The following ADGRA3 variants were observed in gnomAD, a reference collection of about 807,000 sequenced individuals.
ADGRA3 encodes G-protein coupled receptor 125.
ADGRA3 carries 56 observed loss-of-function variants against 119.8 expected under a neutral mutation model. The ratio of observed to expected loss-of-function variants is 0.47; its 90% confidence interval spans 0.38 to 0.58. The LOEUF (loss-of-function observed/expected upper bound fraction) is 0.58, where lower values mean the gene tolerates loss of function less well. Ranked by LOEUF, ADGRA3 falls within the 20% of genes least tolerant of loss-of-function variation. The pLI is 0.00. For missense variants in ADGRA3, 1,516 were observed against 1,649.0 expected, an observed-to-expected ratio of 0.92 and a Z score of 1.40; for synonymous variants, 607 against 623.8, an observed-to-expected ratio of 0.97 and a Z score of 0.40.
At chr4:22,440,891 A>G (rs1333023965) in intron 7 of ADGRA3, among the ~76,000 whole-genome samples, 2 of 152,188 alleles carry the variant, frequency 1.3e-5, no homozygotes, top group African/African-American at 2.4e-5. Context: ...TCGAACGATT[A>G]ATCGTATCTC....
At chr4:22,457,273 A>T (rs1210693239) in intron 3 of ADGRA3, among the ~76,000 whole-genome samples, 1 of 152,246 alleles carries the variant, frequency 6.6e-6, no homozygotes, top group African/African-American at 2.4e-5. Context: ...AAATCAAATT[A>T]TTTATAAACT....
chr4:22,439,957 A>T (rs1716547016), intron 7 of ADGRA3, among the ~76,000 whole-genome samples: 1 of 152,230 alleles, frequency 6.6e-6, no homozygotes, highest in Non-Finnish European at 1.5e-5. Context: ...TGAAAAAAGT[A>T]ACACACATAA....
At chr4:22,457,071 A>G (rs1357321878) in intron 3 of ADGRA3, among the ~76,000 whole-genome samples, 1 of 152,198 alleles carries the variant, frequency 6.6e-6, no homozygotes, top group East Asian at 1.9e-4. Context: ...AAGTGGTGCA[A>G]TCACCATTGA....
chr4:22,477,074 A>C (rs1359425859), intron 1 of ADGRA3, among the ~76,000 whole-genome samples: 1 of 152,142 alleles, frequency 6.6e-6, no homozygotes, highest in East Asian at 1.9e-4. Flanking sequence ...TAAGAATCTT[A>C]ATTGCTAAGT....
chr4:22,501,640 C>T (rs1353937969), intron 1 of ADGRA3, among the ~76,000 whole-genome samples: 1 of 152,040 alleles, frequency 6.6e-6, no homozygotes, highest in Non-Finnish European at 1.5e-5. Context: ...CTGCCACCAC[C>T]TACACTCCCC....
rs763831512 is a variant in ADGRA3 at position 22,461,818 on chromosome 4, A to G, written c.330-10T>C. The G allele has an allele frequency of 6.3e-7, 1 of 1,582,854 alleles. No individual in the cohort carries two copies. The highest frequency in any genetic ancestry group is 8.7e-7 in the Non-Finnish European group (1 of 1,153,816). On this transcript the variant is annotated splice_polypyrimidine_tract_variant and intron_variant, in intron 2 of 18. Coordinates refer to ENST00000334304, the MANE Select transcript of ADGRA3 (RefSeq NM_145290.4). ...ATTGTTTCGGAGGTCCCTGTTAAAA[A>G]TAAAATAAAAGTTATTCACATATCA...
rs540036309 is a variant in ADGRA3 at position 22,420,988 on chromosome 4, T to C, written c.1707A>G (p.Thr569=). 7.7e-5 allele frequency: 124 copies of C among 1,614,106 alleles called. No individual in the cohort carries two copies. The South Asian group carries it at 9.2e-4, about 12-fold the overall frequency. ...CCCGCCTCCCATAATCCGAAAGTCC[T>C]GTACGATCAGAGGCTGCCACTTTCT... The part of the protein sequence containing the change: ...VFQKVAASDR[T]GLSDYGRRDP... Residue 569 remains threonine (T), a synonymous_variant, in exon 12 of 19, where the codon ACA becomes ACG. Transcript: ENST00000334304.
At chr4:22,511,329 TTC>T (rs1719439300) in intron 1 of ADGRA3, among the ~76,000 whole-genome samples, 1 of 152,100 alleles carries the variant, frequency 6.6e-6, no homozygotes, top group East Asian at 1.9e-4. Context: ...TTTGTTCAAT[TTC>T]TGTGTTATAA....
chr4:22,390,320 T>TTTTATATA (rs1714059716), intron 17 of ADGRA3, among the ~76,000 whole-genome samples: 1 of 106,272 alleles, frequency 9.4e-6, no homozygotes, highest in South Asian at 3.4e-4. Flanking sequence ...TCTCTACTGC[T>TTTTATATA]TATATATATA....
chr4:22,488,002 C>T (rs1307042497), intron 1 of ADGRA3, among the ~76,000 whole-genome samples: 7 of 152,080 alleles, frequency 4.6e-5, no homozygotes. Flanking sequence ...GATCTGAATC[C>T]ATGCTGCTAC....
At chr4:22,491,368 A>G (rs1718617547) in intron 1 of ADGRA3, among the ~76,000 whole-genome samples, 1 of 152,236 alleles carries the variant, frequency 6.6e-6, no homozygotes, top group Non-Finnish European at 1.5e-5. Context: ...ACAAGTTTTT[A>G]TTGACAAAAA....
In ADGRA3 at chr4:22,445,080, C is replaced by A; in HGVS notation, c.599G>T (p.Arg200Leu). 1.9e-6 allele frequency: 3 copies of A among 1,613,882 alleles called. No homozygotes were observed. The highest frequency in any genetic ancestry group is 1.1e-5 in the South Asian group (1 of 91,082). Residue 200 changes from arginine to leucine, a missense_variant, in exon 6 of 19, where the codon CGC (arginine) becomes CTC (leucine). Coordinates refer to ENST00000334304, the MANE Select transcript of ADGRA3 (RefSeq NM_145290.4). ...LCDCNILWMH[R>L]WVKEKNITVR... is the part of the protein sequence containing the mutation. ...CGTGATGTTCTTCTCCTTTACCCAG[C>A]GATGCATCCACAGTATGTTACAGTC...
At chr4:22,481,263 G>A (rs559379437) in intron 1 of ADGRA3, among the ~76,000 whole-genome samples, 2 of 152,240 alleles carry the variant, frequency 1.3e-5, no homozygotes, top group South Asian at 4.1e-4. Flanking sequence ...AAGTTTTAGA[G>A]CCACCTGTGA....
In ADGRA3 at chr4:22,469,071, C is replaced by A. The variant is rs368430249; in HGVS notation, c.329+4701G>T. Reference sequence around the variant, plus strand: ...ATTACCTGGGGAAAAAAAAAGACCCCTTGGTTGATGTGACAGAAGGGCCTA... The same window carrying A: ...ATTACCTGGGGAAAAAAAAAGACCCATTGGTTGATGTGACAGAAGGGCCTA... On this transcript the variant is annotated intron_variant, in intron 2 of 18. Transcript: ENST00000334304. Among the ~76,000 whole-genome samples the A allele has an allele frequency of 1.4e-3, 215 of 152,072 alleles. 1 individual carries two copies. Among genetic ancestry groups the A allele is most frequent in the African/African-American group, 4.9e-3 (203 of 41,486 alleles).
At chr4:22,493,914 A>C (rs6838873) in intron 1 of ADGRA3, among the ~76,000 whole-genome samples, 113,545 of 151,952 alleles carry the variant, frequency 0.75, 44,493 homozygotes, top group East Asian at 1. Flanking sequence ...ACAAGAGTAA[A>C]CTCTGGTGGG....
intron 1 of ADGRA3, among the ~76,000 whole-genome samples, chr4:22,481,374 A>C (rs1166190422): frequency 6.6e-6 from 1 of 152,192 alleles, no homozygotes; most frequent in Non-Finnish European, 1.5e-5. Flanking sequence ...CATTCTTCAA[A>C]GTTCTAGTTC....
intron 16 of ADGRA3, among the ~76,000 whole-genome samples, chr4:22,397,696 G>T (rs1178418619): frequency 1.3e-5 from 2 of 152,102 alleles, no homozygotes; most frequent in Non-Finnish European, 2.9e-5. Context: ...TCTTGCGAAA[G>T]TGAATAACTT....
In ADGRA3 at chr4:22,479,266, A is replaced by G. The variant is rs187018128; in HGVS notation, c.258-5423T>C. Reference sequence around the variant, plus strand: ...ATCATGAGGTCAGGAGATGAAGACCATCCTGGCTAACACAGTGAAACACCA... The same window carrying G: ...ATCATGAGGTCAGGAGATGAAGACCGTCCTGGCTAACACAGTGAAACACCA... On this transcript the variant is annotated intron_variant, in intron 1 of 18. Transcript: ENST00000334304. Among the ~76,000 whole-genome samples, 1,057 of 152,268 alleles carry G rather than the reference A, an allele frequency of 6.9e-3. 10 individuals are homozygous for G. The highest frequency in any genetic ancestry group is 0.012 in the South Asian group (60 of 4,826).
intron 1 of ADGRA3, among the ~76,000 whole-genome samples, chr4:22,494,169 C>T (rs533026152): frequency 1.3e-5 from 2 of 150,916 alleles, no homozygotes; most frequent in African/African-American, 4.9e-5. Flanking sequence ...CGCACCACTG[C>T]ACTCCAGCCT....
Sources: allele counts gnomAD v4.1 joint callset (sites outside exome capture counted in the v4.1 genomes callset), GRCh38; gene constraint gnomAD v4.1.1; transcripts MANE v1.5; gene names NCBI Gene and HGNC (gene_info 2026-07-23, HGNC 2026-07-21).